Variants in ZFYVE9 observed in about 807,000 individuals in gnomAD.
The protein encoded by ZFYVE9 is zinc finger FYVE-type containing 9, also known as zinc finger FYVE domain-containing protein 9.
A neutral mutation model predicts 126.7 loss-of-function variants in ZFYVE9; 43 were observed. That is an observed-to-expected ratio of 0.34 (90% CI 0.27 to 0.44). The LOEUF (loss-of-function observed/expected upper bound fraction) is 0.44, where lower values mean the gene tolerates loss of function less well. Among genes scored for constraint, ZFYVE9 ranks in the 20% least tolerant of loss-of-function variants. The probability of loss-of-function intolerance (pLI) is 1.00; values close to 1 mark genes in which losing one functional copy is unlikely to be tolerated. For synonymous variants in ZFYVE9, 521 were observed against 597.4 expected, an observed-to-expected ratio of 0.87 and a Z score of 1.87; for missense variants, 1,476 against 1,697.0, an observed-to-expected ratio of 0.87 and a Z score of 2.29.
chr1:52,237,656 T>G lies in ZFYVE9; in HGVS notation c.239T>G (p.Leu80Arg). The G allele has an allele frequency of 6.2e-7, 1 of 1,614,092 alleles. No individual in the cohort carries two copies. Among genetic ancestry groups the G allele is most frequent in the Non-Finnish European group, 8.5e-7 (1 of 1,179,962 alleles). Residue 80 changes from leucine (L) to arginine (R), a missense_variant, in exon 4 of 19, where the codon CTG becomes CGG. This residue lies in a region of ZFYVE9 where 807 missense variants were observed against 794.6 expected (regional missense o/e 1.02). Coordinates refer to ENST00000287727, the MANE Select transcript of ZFYVE9 (RefSeq NM_004799.4). ...TTCTCCCTGGCTCATTCAGCTCCCCTGACCACAGAGGAAGAGGATCACTGT... is the reference window on the plus strand; with the variant it reads ...TTCTCCCTGGCTCATTCAGCTCCCCGGACCACAGAGGAAGAGGATCACTGT... Reference protein sequence around the residue: ...KVFSLAHSAPLTTEEEDHCAN... With the variant: ...KVFSLAHSAPRTTEEEDHCAN...
intron 4 of ZFYVE9, among the ~76,000 whole-genome samples, chr1:52,247,432 T>A (rs569373084): frequency 6.6e-6 from 1 of 152,314 alleles, no homozygotes; most frequent in East Asian, 1.9e-4. Flanking sequence ...GGTTTGAGGG[T>A]ATATGGTTCA....
Position 52,337,825 on chromosome 1 carries a change from C to T in ZFYVE9, c.3724C>T (p.Leu1242=). 6.2e-7 allele frequency: 1 copy of T among 1,614,260 alleles called. No individual in the cohort carries two copies. The highest frequency in any genetic ancestry group is 8.5e-7 in the Non-Finnish European group (1 of 1,180,036). Residue 1242 remains leucine, a synonymous_variant, in exon 16 of 19, where the codon CTG becomes TTG. Transcript: ENST00000287727. ...GAACATGGATTCCTTGAGGCAGGCA[C>T]TGCGAGAGATGAAGGACTTCACCAT... The part of the protein sequence containing the change: ...AENMDSLRQA[L]REMKDFTITC...
intron 1 of ZFYVE9, among the ~76,000 whole-genome samples, chr1:52,189,238 A>ATT (rs113406671): frequency 7.4e-6 from 1 of 135,784 alleles, no homozygotes. Flanking sequence ...TGCCCAGCCT[A>ATT]TTTTTTTTTT....
chr1:52,276,892 A>G (rs948800799), intron 8 of ZFYVE9, among the ~76,000 whole-genome samples: 5 of 152,196 alleles, frequency 3.3e-5, no homozygotes, highest in African/African-American at 1.2e-4. Context: ...ATCTTATTTT[A>G]TACTTGCATT....
At chr1:52,319,632 AT>A (rs1248517099) in intron 13 of ZFYVE9, among the ~76,000 whole-genome samples, 11 of 150,632 alleles carry the variant, frequency 7.3e-5, no homozygotes, top group Non-Finnish European at 1.6e-4. Flanking sequence ...CAAAAAAAAA[AT>A]AAAATAAAAA....
intron 1 of ZFYVE9, among the ~76,000 whole-genome samples, chr1:52,214,519 T>C (rs1027170887): frequency 6.6e-6 from 1 of 152,156 alleles, no homozygotes; most frequent in Non-Finnish European, 1.5e-5. Flanking sequence ...TTTCAGCTAC[T>C]TAGGGGAATG....
At chr1:52,228,105 G>T (rs925825915) in intron 2 of ZFYVE9, among the ~76,000 whole-genome samples, 2 of 151,778 alleles carry the variant, frequency 1.3e-5, no homozygotes, top group East Asian at 1.9e-4. Context: ...TTGAGACAGG[G>T]TCTCACTCTG....
Position 52,295,624 on chromosome 1 carries a change from A to G in ZFYVE9, c.3251-271A>G, listed in dbSNP as rs915953944. Among the ~76,000 whole-genome samples the G allele has an allele frequency of 2.6e-5, 4 of 151,884 alleles. No homozygotes were observed. In the East Asian group the frequency reaches 7.7e-4, roughly 29 times the overall value. ...GTGATCCTTCTGCCTCAGCCTCCCA[A>G]AGTGCTGGGATTACAAGCATGAGCC... On this transcript the variant is annotated intron_variant, in intron 11 of 18. Transcript: ENST00000287727.
intron 8 of ZFYVE9, among the ~76,000 whole-genome samples, chr1:52,275,710 A>G (rs1193777795): frequency 6.6e-6 from 1 of 152,100 alleles, no homozygotes. Context: ...TGGCTTATTA[A>G]TTAACCTCTC....
At chr1:52,187,896 C>T (rs1644779387) in intron 1 of ZFYVE9, among the ~76,000 whole-genome samples, 1 of 152,170 alleles carries the variant, frequency 6.6e-6, no homozygotes, top group Admixed American at 6.6e-5. Context: ...CGATTCCTTT[C>T]CACAGTGATT....
intron 1 of ZFYVE9, among the ~76,000 whole-genome samples, chr1:52,147,103 C>T (rs1644312791): frequency 6.6e-6 from 1 of 152,136 alleles, no homozygotes; most frequent in African/African-American, 2.4e-5. Context: ...TATAAGTATA[C>T]ATGAAACAAA....
At chr1:52,172,946 A>G (rs942344072) in intron 1 of ZFYVE9, among the ~76,000 whole-genome samples, 1 of 152,100 alleles carries the variant, frequency 6.6e-6, no homozygotes, top group African/African-American at 2.4e-5. Context: ...GTCATCTACA[A>G]ACAGGGACAA....
At chr1:52,167,799 A>C (rs1644527443) in intron 1 of ZFYVE9, among the ~76,000 whole-genome samples, 1 of 152,216 alleles carries the variant, frequency 6.6e-6, no homozygotes, top group South Asian at 2.1e-4. Flanking sequence ...GAGAGCCTTC[A>C]TGATACCAGG....
intron 16 of ZFYVE9, among the ~76,000 whole-genome samples, chr1:52,338,607 GTTT>G (rs1267581677): frequency 6.6e-6 from 1 of 151,938 alleles, no homozygotes; most frequent in African/African-American, 2.4e-5. Flanking sequence ...TTTTTGTTTT[GTTT>G]TTAACATTGC....
At chr1:52,173,794 G>A (rs1644595549) in intron 1 of ZFYVE9, among the ~76,000 whole-genome samples, 1 of 152,166 alleles carries the variant, frequency 6.6e-6, no homozygotes, top group Non-Finnish European at 1.5e-5. Context: ...TTGTGTAGAG[G>A]TGTTTATAGT....
intron 1 of ZFYVE9, among the ~76,000 whole-genome samples, chr1:52,176,655 C>A (rs1644633075): frequency 6.6e-6 from 1 of 152,202 alleles, no homozygotes; most frequent in African/African-American, 2.4e-5. Context: ...CCAGTTCGAG[C>A]TTCCCGGCTG....
At chr1:52,225,712 G>A (rs1048754200) in intron 2 of ZFYVE9, among the ~76,000 whole-genome samples, 2 of 152,162 alleles carry the variant, frequency 1.3e-5, no homozygotes, top group African/African-American at 4.8e-5. Context: ...TGACCAGGAA[G>A]TTGAGTCTTT....
chr1:52,233,973 G>GT (rs1645249044), intron 3 of ZFYVE9, among the ~76,000 whole-genome samples: 1 of 152,042 alleles, frequency 6.6e-6, no homozygotes, highest in South Asian at 2.1e-4. Context: ...TACAGAAGGG[G>GT]TTTCGCCTTG....
Position 52,233,248 on chromosome 1 carries a change from G to C in ZFYVE9, c.42G>C (p.Lys14Asn). 1.3e-6 allele frequency: 2 copies of C among 1,584,092 alleles called. No individual in the cohort carries two copies. Among genetic ancestry groups the C allele is most frequent in the Middle Eastern group, 1.7e-4 (1 of 5,938 alleles). The change falls in exon 3 of 19, where the codon AAG becomes AAC. Residue 14 changes from lysine to asparagine, a missense_variant. Lys to Asn is a moderately conservative substitution (Grantham distance 94). This residue lies in a region of ZFYVE9 where 807 missense variants were observed against 794.6 expected (regional missense o/e 1.02). Coordinates refer to ENST00000287727, the MANE Select transcript of ZFYVE9 (RefSeq NM_004799.4). ...YFQAEAYNLDKVLDEFEQNED... is the reference protein window; with the variant it reads ...YFQAEAYNLDNVLDEFEQNED... ...AAGCAGAAGCTTACAACCTGGACAA[G>C]GTGTTAGATGAATTTGAACAAAACG... is the stretch of plus-strand genomic sequence containing the variant.
Sources: allele counts gnomAD v4.1 joint callset (sites outside exome capture counted in the v4.1 genomes callset), GRCh38; gene constraint gnomAD v4.1.1; regional missense constraint gnomAD v4.1.1; transcripts MANE v1.5; gene names NCBI Gene and HGNC (gene_info 2026-07-23, HGNC 2026-07-21).